Variants in SLC17A8 observed in about 807,000 individuals in gnomAD.
SLC17A8 encodes the protein vesicular glutamate transporter 3.
SLC17A8 carries 31 observed loss-of-function variants against 58.0 expected under a neutral mutation model. The ratio of observed to expected loss-of-function variants is 0.53; its 90% CI spans 0.40 to 0.72. The LOEUF is 0.72. SLC17A8 is among the 30% of genes least tolerant of loss of function. The probability of loss-of-function intolerance (pLI) is 0.00; values close to 1 mark genes in which losing one functional copy is unlikely to be tolerated. For missense variants in SLC17A8, 655 were observed against 727.8 expected, an observed-to-expected ratio of 0.90 and a Z score of 1.15; for synonymous variants, 228 against 249.0, an observed-to-expected ratio of 0.92 and a Z score of 0.79.
intron 9 of SLC17A8, among the ~76,000 whole-genome samples, chr12:100,412,206 GATA>G (rs1448559356): frequency 1.3e-5 from 2 of 152,110 alleles, no homozygotes; most frequent in Admixed American, 1.3e-4. Flanking sequence ...GGTGCACCGC[GATA>G]ATGTTAGAAA....
chr12:100,399,455 T>C (rs1031427997), intron 5 of SLC17A8, among the ~76,000 whole-genome samples: 15 of 152,150 alleles, frequency 9.9e-5, no homozygotes, highest in South Asian at 2.1e-4. Context: ...AAGAACCACC[T>C]GAGACTGGGT....
intron 1 of SLC17A8, among the ~76,000 whole-genome samples, chr12:100,371,127 C>T (rs192648584): frequency 3.3e-5 from 5 of 152,256 alleles, no homozygotes; most frequent in Admixed American, 1.3e-4. Context: ...TTAAATTCTC[C>T]TTCCTTTCTT....
intron 4 of SLC17A8, among the ~76,000 whole-genome samples, chr12:100,394,786 T>C (rs994987640): frequency 4.1e-5 from 6 of 147,548 alleles, no homozygotes; most frequent in African/African-American, 1.2e-4. Context: ...TTATAACATA[T>C]ATACTAGTGT....
chr12:100,396,074 T>G (rs7960935), intron 4 of SLC17A8, among the ~76,000 whole-genome samples: 1 of 152,060 alleles, frequency 6.6e-6, no homozygotes. Flanking sequence ...GTTTCTTTTA[T>G]AAGGCACTAA....
At chr12:100,404,501 T>TTCACACAC in intron 9 of SLC17A8, 2 of 220,448 alleles carry the variant, frequency 9.1e-6, no homozygotes, top group Non-Finnish European at 1.8e-5. Context: ...ATGGGATATA[T>TTCACACAC]GCACACACAC....
At chr12:100,396,515 G>A (rs188651454) in intron 5 of SLC17A8, 98 bp downstream of exon 5, 37 of 873,654 alleles carry the variant, frequency 4.2e-5, no homozygotes, top group South Asian at 2.8e-5. Flanking sequence ...TAGGGAGGCC[G>A]AGGCAGGAGG....
At chr12:100,394,266 C>G (rs74389197) in intron 4 of SLC17A8, among the ~76,000 whole-genome samples, 1 of 152,076 alleles carries the variant, frequency 6.6e-6, no homozygotes, top group Non-Finnish European at 1.5e-5. Context: ...TGCCCATGTA[C>G]AACTTGTACT....
chr12:100,360,694 G>A (rs1355594615), intron 1 of SLC17A8, among the ~76,000 whole-genome samples: 1 of 152,220 alleles, frequency 6.6e-6, no homozygotes, highest in East Asian at 1.9e-4. Flanking sequence ...TTTCAAACCA[G>A]ATGTTCTATG....
chr12:100,394,398 C>CTTT (rs34047250), intron 4 of SLC17A8, among the ~76,000 whole-genome samples: 43 of 112,748 alleles, frequency 3.8e-4, no homozygotes, highest in African/African-American at 8.2e-4. Flanking sequence ...ACATCTTTTC[C>CTTT]TTTTTTTTTT....
chr12:100,401,322 C>T (rs1398036109), intron 5 of SLC17A8, among the ~76,000 whole-genome samples: 1 of 150,520 alleles, frequency 6.6e-6, no homozygotes, highest in Non-Finnish European at 1.5e-5. Context: ...TTTTTTTAAT[C>T]AAGACTTTAA....
At chr12:100,394,946 A>G (rs931785712) in intron 4 of SLC17A8, among the ~76,000 whole-genome samples, 1 of 151,378 alleles carries the variant, frequency 6.6e-6, no homozygotes, top group African/African-American at 2.4e-5. Flanking sequence ...ATCATTTCAA[A>G]TCCAACTCTA....
chr12:100,385,630 G>T (rs562543250), intron 2 of SLC17A8, among the ~76,000 whole-genome samples: 3 of 152,284 alleles, frequency 2.0e-5, no homozygotes, highest in African/African-American at 7.2e-5. Context: ...CCTCTCAGAA[G>T]TGTGAGCAGA....
intron 1 of SLC17A8, among the ~76,000 whole-genome samples, chr12:100,380,183 G>A (rs1005939295): frequency 6.9e-4 from 72 of 104,228 alleles, no homozygotes; most frequent in African/African-American, 2.9e-3. Context: ...TGGGCAACGG[G>A]CAACAAAAGC....
chr12:100,394,639 G>A (rs1194245352), intron 4 of SLC17A8, among the ~76,000 whole-genome samples: 1 of 150,434 alleles, frequency 6.6e-6, no homozygotes, highest in Non-Finnish European at 1.5e-5. Context: ...CTGACCTCAG[G>A]TGATCCGCCC....
chr12:100,377,188 A>G (rs116697550), intron 1 of SLC17A8, among the ~76,000 whole-genome samples: 3,083 of 152,280 alleles, frequency 0.02, 30 homozygotes, highest in Non-Finnish European at 0.027. Flanking sequence ...AGGGCAGCCC[A>G]TTATAAAGTC....
chr12:100,380,181 G>A (rs887594996), intron 1 of SLC17A8, among the ~76,000 whole-genome samples: 23 of 106,422 alleles, frequency 2.2e-4, no homozygotes, highest in Admixed American at 4.5e-4. Flanking sequence ...CCTGGGCAAC[G>A]GGCAACAAAA....
At chr12:100,409,111 C>A (rs1205700921) in intron 9 of SLC17A8, among the ~76,000 whole-genome samples, 1 of 151,500 alleles carries the variant, frequency 6.6e-6, no homozygotes, top group African/African-American at 2.4e-5. Flanking sequence ...TTTCTGGGTC[C>A]CATTTCCTTT....
intron 9 of SLC17A8, among the ~76,000 whole-genome samples, chr12:100,410,450 A>G (rs11110368): frequency 0.46 from 69,352 of 150,454 alleles, 16,409 homozygotes; most frequent in Non-Finnish European, 0.5. Flanking sequence ...AGCCAAGATC[A>G]CGCTGCTGCC....
intron 4 of SLC17A8, among the ~76,000 whole-genome samples, chr12:100,395,946 G>A (rs1952750654): frequency 6.6e-6 from 1 of 152,192 alleles, no homozygotes; most frequent in Non-Finnish European, 1.5e-5. Context: ...TGGAGGCTGA[G>A]GAGTCAAAGA....
Sources: allele counts gnomAD v4.1 joint callset (sites outside exome capture counted in the v4.1 genomes callset), GRCh38; gene constraint gnomAD v4.1.1; transcripts MANE v1.5; gene names NCBI Gene and HGNC (gene_info 2026-07-23, HGNC 2026-07-21).